COL28A1: variants seen among roughly 807,000 people sequenced by gnomAD.
COL28A1 encodes collagen alpha-1(XXVIII) chain.
A neutral mutation model predicts 150.2 loss-of-function variants in COL28A1; 161 were observed. That is an observed-to-expected ratio of 1.07 (90% CI 0.94 to 1.22). COL28A1 has a LOEUF of 1.22. Ranked by LOEUF, COL28A1 falls within the 50% of genes most tolerant of loss-of-function variation. The pLI, the probability that COL28A1 is intolerant of heterozygous loss-of-function variation, is 0.00. For synonymous variants in COL28A1, 552 were observed against 469.7 expected, an observed-to-expected ratio of 1.18 and a Z score of -2.26; for missense variants, 1,617 against 1,388.3, an observed-to-expected ratio of 1.16 and a Z score of -2.62.
rs1167260709 is a variant in COL28A1, at chr7:7,436,414, A to T, written c.1841T>A (p.Leu614His). ...GIPGFKGEPGLSIRGPKGVQG... is the reference protein window; with the variant it reads ...GIPGFKGEPGHSIRGPKGVQG... ...GCATACCTTTGGTCCTCGAATAGAA[A>T]GTCCAGGTTCTCCCTTAAATCCAGG... The change falls in exon 23 of 35, where the codon CTT becomes CAT. Residue 614 changes from leucine (L) to histidine (H), a missense_variant. Transcript: ENST00000399429. The T allele has an allele frequency of 7.0e-7, 1 of 1,421,616 alleles. No homozygotes were observed. The highest frequency in any genetic ancestry group is 1.1e-5 in the South Asian group (1 of 87,208). 88.1% of individuals were successfully genotyped at this position (1,421,616 alleles called of 1,614,324 possible).
intron 20 of COL28A1, among the ~76,000 whole-genome samples, chr7:7,442,803 G>A (rs1785916022): frequency 6.6e-6 from 1 of 152,168 alleles, no homozygotes; most frequent in African/African-American, 2.4e-5. Context: ...TTGGGAGGCT[G>A]AGGCAGGTGG....
intron 25 of COL28A1, among the ~76,000 whole-genome samples, chr7:7,431,982 G>A (rs73334126): frequency 0.015 from 2,351 of 152,286 alleles, 70 homozygotes; most frequent in African/African-American, 0.054. Flanking sequence ...CATTTGCAGG[G>A]TTATGGGGCA....
chr7:7,509,648 G>T (rs375733630), intron 9 of COL28A1, among the ~76,000 whole-genome samples: 3,395 of 150,910 alleles, frequency 0.022, 132 homozygotes, highest in African/African-American at 0.077. Context: ...TTTTTTTGTT[G>T]TTGTTATTCC....
chr7:7,427,810 G>A (rs935460019), intron 25 of COL28A1, among the ~76,000 whole-genome samples: 52 of 152,110 alleles, frequency 3.4e-4, no homozygotes, highest in African/African-American at 1.2e-3. Flanking sequence ...CAATAGAAAA[G>A]CTAGGCTGAA....
chr7:7,420,593 T>C (rs373050485), intron 25 of COL28A1, among the ~76,000 whole-genome samples: 3 of 152,372 alleles, frequency 2.0e-5, no homozygotes, highest in African/African-American at 7.2e-5. Flanking sequence ...TGTTCATATA[T>C]GTTATTTGAT....
intron 12 of COL28A1, 121 bp from the exon 13 acceptor site, chr7:7,489,578 A>C: frequency 1.5e-6 from 1 of 672,484 alleles, no homozygotes. Context: ...GTTGGTTTTC[A>C]TAAAGGTAAA....
the COL28A1 span, among the ~76,000 whole-genome samples, chr7:7,350,851 G>T: frequency 6.6e-6 from 1 of 151,832 alleles, no homozygotes; most frequent in African/African-American, 2.4e-5. Flanking sequence ...GGAAATAACT[G>T]GAACATTCCA....
intron 25 of COL28A1, among the ~76,000 whole-genome samples, chr7:7,425,325 T>G (rs1168825572): frequency 6.6e-6 from 1 of 152,210 alleles, no homozygotes; most frequent in Non-Finnish European, 1.5e-5. Context: ...TTCCATAGAC[T>G]TTCTTCCAGC....
At chr7:7,477,941 A>G (rs1789052348) in intron 13 of COL28A1, among the ~76,000 whole-genome samples, 1 of 152,122 alleles carries the variant, frequency 6.6e-6, no homozygotes, top group African/African-American at 2.4e-5. Context: ...TGCGTTTACA[A>G]TCCCTGAGCT....
At chr7:7,376,400 A>ATG (rs761062209) in intron 30 of COL28A1, among the ~76,000 whole-genome samples, 12 of 152,302 alleles carry the variant, frequency 7.9e-5, no homozygotes, top group Non-Finnish European at 1.3e-4. Context: ...AAAGTAGAAT[A>ATG]TGTGGGGAAT....
chr7:7,415,721 A>G (rs1784039243), intron 27 of COL28A1, among the ~76,000 whole-genome samples: 1 of 151,886 alleles, frequency 6.6e-6, no homozygotes, highest in African/African-American at 2.4e-5. Context: ...TTTAGTAGAG[A>G]TGGGGTTTCA....
At chr7:7,376,276 C>G (rs1389080626) in intron 30 of COL28A1, among the ~76,000 whole-genome samples, 1 of 152,068 alleles carries the variant, frequency 6.6e-6, no homozygotes, top group Non-Finnish European at 1.5e-5. Context: ...ACAGGAAGGA[C>G]CAGTGGACCC....
rs535005795 is a variant in COL28A1 at position 7,397,883 on chromosome 7, C to T, written c.2137-16271G>A. 3.9e-5 allele frequency among the ~76,000 whole-genome samples: 6 copies of T among 152,296 alleles called. No individual in the cohort carries two copies. The East Asian group carries it at 5.8e-4, about 15-fold the overall frequency. On this transcript the variant is annotated intron_variant, in intron 27 of 34. Coordinates refer to ENST00000399429, the MANE Select transcript of COL28A1 (RefSeq NM_001037763.3). ...CAAAACAAGTGCCTCCTACTCTCAT[C>T]GCATAATGAAGAATCCCTTCACCTG...
chr7:7,414,350 C>T (rs1283433460), intron 27 of COL28A1, among the ~76,000 whole-genome samples: 2 of 152,186 alleles, frequency 1.3e-5, no homozygotes, highest in Non-Finnish European at 2.9e-5. Context: ...AAGTCCAAGG[C>T]CATTTTAGGA....
At chr7:7,352,370 T>C (rs1326586232), downstream of COL28A1, among the ~76,000 whole-genome samples, 5 of 152,094 alleles carry the variant, frequency 3.3e-5, no homozygotes, top group Non-Finnish European at 5.9e-5. Context: ...CTCCCCAATC[T>C]CTCCTGTATA....
intron 27 of COL28A1, among the ~76,000 whole-genome samples, chr7:7,414,532 G>A (rs6977661): frequency 0.14 from 21,744 of 152,188 alleles, 1,689 homozygotes; most frequent in Middle Eastern, 0.22. Context: ...CGAGCCCATC[G>A]TGCTCTCAGG....
In COL28A1 at chr7:7,531,640, C is replaced by A. The variant is rs199838112; in HGVS notation, c.389G>T (p.Gly130Val). The change falls in exon 3 of 35, where the codon GGT becomes GTT. Residue 130 changes from glycine (G) to valine (V), a missense_variant. Transcript: ENST00000399429. ...GGAAATGGCATAATAAGAGAAGGTA[C>A]CTTGCCCTATTAAATTCATAGACTT... Reference protein sequence around the residue: ...KVKSMNLIGQGTFSYYAISNA... With the variant: ...KVKSMNLIGQVTFSYYAISNA... 10 of 1,603,068 alleles carry A rather than the reference C, an allele frequency of 6.2e-6. No individual in the cohort carries two copies. The highest frequency in any genetic ancestry group is 7.7e-6 in the Non-Finnish European group (9 of 1,169,990).
In COL28A1 at chr7:7,474,677, T is replaced by A; in HGVS notation, c.1234-8A>T. ...TTCAGAACCTTTTTCACCCTGAAAGTACAAGGGAGGGATATCAATGCACCA... is the reference window on the plus strand; with the variant it reads ...TTCAGAACCTTTTTCACCCTGAAAGAACAAGGGAGGGATATCAATGCACCA... On this transcript the variant is annotated splice_region_variant and splice_polypyrimidine_tract_variant and intron_variant, in intron 14 of 34. Coordinates refer to ENST00000399429, the MANE Select transcript of COL28A1 (RefSeq NM_001037763.3). 1 of 1,248,448 alleles carries A rather than the reference T, an allele frequency of 8.0e-7. No homozygotes were observed. Among genetic ancestry groups the A allele is most frequent in the Non-Finnish European group, 1.2e-6 (1 of 846,410 alleles). 77.3% of individuals were successfully genotyped at this position (1,248,448 alleles called of 1,614,324 possible). A position where few individuals can be genotyped will look rare whatever the true frequency, so the allele number is the denominator to read the frequency against.
intron 13 of COL28A1, among the ~76,000 whole-genome samples, chr7:7,480,115 G>A (rs746230519): frequency 4.6e-5 from 7 of 152,108 alleles, no homozygotes; most frequent in South Asian, 2.1e-4. Context: ...GATTTAAGAC[G>A]CTTTTCTCCT....
Sources: gnomAD v4.1 joint callset for allele counts (sites outside exome capture counted in the v4.1 genomes callset) on GRCh38, gnomAD v4.1.1 for gene constraint, MANE v1.5 for transcripts, NCBI Gene and HGNC (gene_info 2026-07-23, HGNC 2026-07-21) for gene names.